The following PIWIL1 variants were observed in gnomAD, a reference collection of about 807,000 sequenced individuals.
The protein encoded by PIWIL1 is piwi like RNA-mediated gene silencing 1.
Under a neutral mutation model 114.4 loss-of-function variants are expected in PIWIL1, and 73 were observed. That is an observed-to-expected ratio of 0.64 (90% CI 0.53 to 0.78). PIWIL1 has a LOEUF of 0.78. Among genes scored for constraint, PIWIL1 ranks in the 30% least tolerant of loss-of-function variants. PIWIL1 has a pLI of 0.00. For synonymous variants in PIWIL1, 375 were observed against 369.0 expected, an observed-to-expected ratio of 1.02 and a Z score of -0.19; for missense variants, 723 against 1,063.1, an observed-to-expected ratio of 0.68 and a Z score of 4.45.
chr12:130,421,691 ATGTGTGTGTGTGTGTG>A, the PIWIL1 span, among the ~76,000 whole-genome samples: 8 of 147,294 alleles, frequency 5.4e-5, no homozygotes, highest in East Asian at 1.0e-3. Flanking sequence ...CTGCATTTAT[ATGTGTGTGTGTGTGTG>A]TGTGTGTGTG....
chr12:130,411,284 A>G, the PIWIL1 span, among the ~76,000 whole-genome samples: 2,014 of 152,242 alleles, frequency 0.013, 44 homozygotes, highest in African/African-American at 0.046. Context: ...GTAGATTTCC[A>G]TGTCATCTGT....
intron 17 of PIWIL1, 68 bp from the exon 18 acceptor site, chr12:130,362,923 C>A: frequency 6.2e-7 from 1 of 1,611,172 alleles, no homozygotes; most frequent in Non-Finnish European, 8.5e-7. Flanking sequence ...TGGGCCCAGA[C>A]TTTGGGAAGA....
At chr12:130,361,841 T>C (rs2073519242) in intron 16 of PIWIL1, among the ~76,000 whole-genome samples, 1 of 152,224 alleles carries the variant, frequency 6.6e-6, no homozygotes, top group Non-Finnish European at 1.5e-5. Context: ...TCTTGTTAAA[T>C]GTGACTCTCT....
At chr12:130,339,158 C>T (rs909125145) in intron 1 of PIWIL1, among the ~76,000 whole-genome samples, 3 of 152,076 alleles carry the variant, frequency 2.0e-5, no homozygotes, top group Admixed American at 6.5e-5. Flanking sequence ...CTCCGGAGGA[C>T]CCCAAGTGAG....
intron 19 of PIWIL1, among the ~76,000 whole-genome samples, chr12:130,368,903 T>G (rs1222576883): frequency 6.6e-6 from 1 of 152,122 alleles, no homozygotes; most frequent in African/African-American, 2.4e-5. Flanking sequence ...TTAGTTTCAT[T>G]TTAAGTTCCG....
At chr12:130,393,327 G>A in the PIWIL1 span, among the ~76,000 whole-genome samples, 691 of 14,270 alleles carry the variant, frequency 0.048, 3 homozygotes, top group South Asian at 0.17. Flanking sequence ...GTGATGACCC[G>A]GTCACCATCA....
At chr12:130,349,538 G>A in intron 8 of PIWIL1, 102 bp downstream of exon 8, 1 of 790,964 alleles carries the variant, frequency 1.3e-6, no homozygotes, top group East Asian at 2.7e-5. Flanking sequence ...ATTGAGTGGT[G>A]GGAATAGCAC....
At position 130,347,061 on chromosome 12, in the gene PIWIL1, A is replaced by C. The variant is rs1565942513; in HGVS notation, c.652A>C (p.Arg218=). The change falls in exon 6 of 21, where the codon AGG becomes CGG. Residue 218 remains arginine, a splice_region_variant and synonymous_variant. Coordinates refer to ENST00000245255, the MANE Select transcript of PIWIL1 (RefSeq NM_004764.5). ...CLQFYNIIFR[R]LLKIMNLQQI... ...GCAGTTCTATAATATTATTTTCAGG[A>C]GGTATGTGTTTTATTTCAACATTTT... 6.2e-7 allele frequency: 1 copy of C among 1,601,986 alleles called. No individual in the cohort carries two copies. The highest frequency in any genetic ancestry group is 8.5e-7 in the Non-Finnish European group (1 of 1,173,618).
At chr12:130,421,113 C>T in the PIWIL1 span, 1 of 152,136 alleles carries the variant, frequency 6.6e-6, no homozygotes, top group African/African-American at 2.4e-5. Context: ...ACATCTCGGA[C>T]AGGTCATTTA....
At chr12:130,421,724 T>TGTGTGTGTGTGTGTGTGTG in the PIWIL1 span, among the ~76,000 whole-genome samples, 6 of 151,360 alleles carry the variant, frequency 4.0e-5, no homozygotes, top group African/African-American at 1.2e-4. Context: ...TGTGTGTGTG[T>TGTGTGTGTGTGTGTGTGTG]TTTCATAGAA....
At chr12:130,363,386 A>G (rs1433915473) in intron 18 of PIWIL1, among the ~76,000 whole-genome samples, 1 of 152,104 alleles carries the variant, frequency 6.6e-6, no homozygotes, top group African/African-American at 2.4e-5. Flanking sequence ...ACCATTACCA[A>G]TCATTGATCA....
At position 130,349,343 on chromosome 12, in the gene PIWIL1, T is replaced by A. The variant is rs1453180991; in HGVS notation, c.839T>A (p.Leu280Ter). 6.2e-7 allele frequency: 1 copy of A among 1,613,776 alleles called. No homozygotes were observed. Among genetic ancestry groups the A allele is most frequent in the Non-Finnish European group, 8.5e-7 (1 of 1,179,754 alleles). ...SHKVLRSETV[L>*]DFMFNFYHQT... ...AAAGTCCTTCGAAGTGAGACTGTTT[T>A]GGATTTCATGTTCAACTTTTATCAT... The change falls in exon 8 of 21, where the codon TTG becomes TAG. Residue 280 changes from leucine to a stop codon, truncating the protein, a stop_gained. Coordinates refer to ENST00000245255, the MANE Select transcript of PIWIL1 (RefSeq NM_004764.5). LOFTEE classifies it high-confidence loss of function.
the PIWIL1 span, chr12:130,399,650 G>T: frequency 6.2e-7 from 1 of 1,612,938 alleles, no homozygotes; most frequent in Non-Finnish European, 8.5e-7. Flanking sequence ...ACGGGACAGA[G>T]ATTAAAAAGG....
At chr12:130,345,972 GGATCCTGCATGGCTTTTC>G (rs2073058106) in intron 4 of PIWIL1, 94 bp downstream of exon 4, 3 of 1,376,284 alleles carry the variant, frequency 2.2e-6, no homozygotes, top group Non-Finnish European at 3.0e-6. Context: ...ATTTGGCCAA[GGATCCTGCATGGCTTTTC>G]GATTTTCCTC....
chr12:130,402,391 C>T, the PIWIL1 span, among the ~76,000 whole-genome samples: 9 of 152,206 alleles, frequency 5.9e-5, no homozygotes, highest in South Asian at 2.1e-4. Flanking sequence ...GCAGTCAGAA[C>T]GCTGGATAAG....
At chr12:130,392,083 GCA>G in the PIWIL1 span, among the ~76,000 whole-genome samples, 23 of 63,226 alleles carry the variant, frequency 3.6e-4, no homozygotes, top group Non-Finnish European at 6.2e-4. Context: ...TCACGTGGAT[GCA>G]TCAGTTACCC....
chr12:130,415,958 G>C, the PIWIL1 span, among the ~76,000 whole-genome samples: 1 of 117,858 alleles, frequency 8.5e-6, no homozygotes, highest in South Asian at 3.0e-4. Context: ...ATTGACAATA[G>C]CCACACACAC....
At chr12:130,378,653 C>A in the PIWIL1 span, among the ~76,000 whole-genome samples, 173 of 152,198 alleles carry the variant, frequency 1.1e-3, no homozygotes, top group African/African-American at 4.1e-3. Context: ...TAATTTTAGT[C>A]ATCTTGTGGG....
chr12:130,397,826 A>C, the PIWIL1 span: 1 of 256,846 alleles, frequency 3.9e-6, no homozygotes, highest in African/African-American at 2.2e-5. Flanking sequence ...AATTCACTTC[A>C]TAAATGAAGA....
Sources: gnomAD v4.1 joint callset for allele counts (sites outside exome capture counted in the v4.1 genomes callset) on GRCh38, gnomAD v4.1.1 for gene constraint, MANE v1.5 for transcripts, NCBI Gene and HGNC (gene_info 2026-07-23, HGNC 2026-07-21) for gene names.